Variants in ASH1L observed in about 807,000 individuals in gnomAD.
ASH1L encodes ASH1 like histone lysine methyltransferase, also known as histone-lysine N-methyltransferase ASH1L.
ASH1L carries 23 observed loss-of-function variants against 269.0 expected under a neutral mutation model. That is an observed-to-expected ratio of 0.09 (90% confidence interval 0.06 to 0.12). ASH1L has a LOEUF of 0.12. Among genes scored for constraint, ASH1L ranks in the 10% least tolerant of loss-of-function variants. The pLI, the probability that ASH1L is intolerant of heterozygous loss-of-function variation, is 1.00. For synonymous variants in ASH1L, 1,187 were observed against 1,253.5 expected, an observed-to-expected ratio of 0.95 and a Z score of 1.12; for missense variants, 2,912 against 3,567.8, an observed-to-expected ratio of 0.82 and a Z score of 4.68.
chr1:155,487,701 G>A (rs1217305288), intron 2 of ASH1L, among the ~76,000 whole-genome samples: 2 of 151,616 alleles, frequency 1.3e-5, no homozygotes, highest in African/African-American at 4.8e-5. Flanking sequence ...TTCTTAATCT[G>A]AATGTTGGTT....
chr1:155,537,347 TTATC>T (rs571614523), intron 1 of ASH1L, among the ~76,000 whole-genome samples: 299 of 152,308 alleles, frequency 2.0e-3, no homozygotes, highest in Admixed American at 3.7e-3. Context: ...CCACTAACAT[TTATC>T]TATCTTAGTC....
intron 1 of ASH1L, among the ~76,000 whole-genome samples, chr1:155,533,174 C>A (rs982317950): frequency 6.6e-6 from 1 of 152,030 alleles, no homozygotes; most frequent in Non-Finnish European, 1.5e-5. Flanking sequence ...TAAAGTACTA[C>A]AAATGAGTCC....
chr1:155,524,548 G>A (rs1379568428), intron 1 of ASH1L, among the ~76,000 whole-genome samples: 2 of 149,466 alleles, frequency 1.3e-5, no homozygotes, highest in Non-Finnish European at 3.0e-5. Flanking sequence ...AAAGTACAAA[G>A]TTAGCTGTGC....
At chr1:155,395,078 A>T (rs114170649) in intron 7 of ASH1L, among the ~76,000 whole-genome samples, 281 of 152,222 alleles carry the variant, frequency 1.8e-3, no homozygotes, top group African/African-American at 6.6e-3. Flanking sequence ...CTGGGACTAC[A>T]GACCTGTGCC....
chr1:155,527,268 T>C (rs1669326292), intron 1 of ASH1L, among the ~76,000 whole-genome samples: 1 of 152,148 alleles, frequency 6.6e-6, no homozygotes, highest in Admixed American at 6.5e-5. Context: ...TTCCCATTTC[T>C]CTGTTCCTCT....
intron 12 of ASH1L, among the ~76,000 whole-genome samples, chr1:155,363,840 AC>A (rs1461699627): frequency 1.3e-5 from 2 of 150,858 alleles, no homozygotes; most frequent in East Asian, 4.0e-4. Flanking sequence ...GGGTGTAGGG[AC>A]GCATGCCTTT....
At chr1:155,441,713 G>C (rs112237383) in intron 4 of ASH1L, among the ~76,000 whole-genome samples, 4 of 149,976 alleles carry the variant, frequency 2.7e-5, no homozygotes, top group African/African-American at 9.8e-5. Context: ...TGATCTGCCC[G>C]CCTCGGCCTC....
chr1:155,477,596 G>C (rs1464508884), intron 3 of ASH1L, among the ~76,000 whole-genome samples: 1 of 152,076 alleles, frequency 6.6e-6, no homozygotes, highest in Non-Finnish European at 1.5e-5. Context: ...TAAAAATTGT[G>C]TAATAACCTG....
At chr1:155,399,277 T>C (rs1658631178) in intron 6 of ASH1L, among the ~76,000 whole-genome samples, 1 of 152,232 alleles carries the variant, frequency 6.6e-6, no homozygotes, top group Non-Finnish European at 1.5e-5. Flanking sequence ...ATAAGAAGTT[T>C]ACAATTTGGT....
chr1:155,361,797 CCT>C (rs1010320462), intron 12 of ASH1L, among the ~76,000 whole-genome samples: 6 of 150,548 alleles, frequency 4.0e-5, no homozygotes, highest in Non-Finnish European at 8.9e-5. Context: ...GACTTGAACC[CCT>C]GAGGCAGAGG....
At chr1:155,528,448 T>TA (rs1669424557) in intron 1 of ASH1L, among the ~76,000 whole-genome samples, 1 of 151,264 alleles carries the variant, frequency 6.6e-6, no homozygotes, top group Non-Finnish European at 1.5e-5. Flanking sequence ...TTTTTTTTTT[T>TA]AAAGAAAGAG....
chr1:155,511,030 A>G (rs1304020528), intron 2 of ASH1L, among the ~76,000 whole-genome samples: 1 of 152,200 alleles, frequency 6.6e-6, no homozygotes, highest in East Asian at 1.9e-4. Flanking sequence ...TGAGTCTGAC[A>G]TTTTAAAATA....
intron 2 of ASH1L, among the ~76,000 whole-genome samples, chr1:155,518,825 A>G (rs1558186005): frequency 6.6e-6 from 1 of 150,676 alleles, no homozygotes; most frequent in Non-Finnish European, 1.5e-5. Context: ...AGGAAGAAAG[A>G]AAAGAAGGAA....
chr1:155,391,825 G>C (rs910078969), intron 7 of ASH1L, among the ~76,000 whole-genome samples: 3 of 151,982 alleles, frequency 2.0e-5, no homozygotes, highest in Admixed American at 6.6e-5. Context: ...GTGTGGTAGT[G>C]CATGCCTGTG....
At chr1:155,552,959 G>A (rs370067496) in intron 1 of ASH1L, among the ~76,000 whole-genome samples, 4 of 151,986 alleles carry the variant, frequency 2.6e-5, no homozygotes, top group Admixed American at 1.3e-4. Context: ...ATATCATCTC[G>A]TAGAATCCGC....
At chr1:155,444,038 C>T (rs1662805146) in intron 4 of ASH1L, among the ~76,000 whole-genome samples, 1 of 133,688 alleles carries the variant, frequency 7.5e-6, no homozygotes, top group Admixed American at 8.9e-5. Flanking sequence ...GGCTGGAGGG[C>T]AGTGGCGTGA....
chr1:155,430,342 G>A (rs1262099300), intron 5 of ASH1L, among the ~76,000 whole-genome samples: 1 of 152,058 alleles, frequency 6.6e-6, no homozygotes, highest in Admixed American at 6.6e-5. Context: ...AATGAGATGG[G>A]AATAATATTT....
intron 2 of ASH1L, among the ~76,000 whole-genome samples, chr1:155,519,668 T>G (rs1571047791): frequency 6.6e-6 from 1 of 152,056 alleles, no homozygotes; most frequent in Non-Finnish European, 1.5e-5. Flanking sequence ...TAGAATTTTT[T>G]GGGGGGTGAG....
rs554514730 is a variant in ASH1L at position 155,531,772 on chromosome 1, G to A, written c.-99-10154C>T. 5.3e-4 allele frequency among the ~76,000 whole-genome samples: 80 copies of A among 152,248 alleles called. 1 individual carries two copies. Among genetic ancestry groups the A allele is most frequent in the African/African-American group, 1.9e-3 (79 of 41,562 alleles). ...TTAGGTAGTAAAACTGGAAAATCATGATTGGCAAACCCCACATACCAAATT... is the reference window on the plus strand; with the variant it reads ...TTAGGTAGTAAAACTGGAAAATCATAATTGGCAAACCCCACATACCAAATT... On this transcript the variant is annotated intron_variant, in intron 1 of 27. Coordinates refer to ENST00000392403, the MANE Select transcript of ASH1L (RefSeq NM_018489.3).
Sources: allele counts gnomAD v4.1 joint callset (sites outside exome capture counted in the v4.1 genomes callset), GRCh38; gene constraint gnomAD v4.1.1; transcripts MANE v1.5; gene names NCBI Gene and HGNC (gene_info 2026-07-23, HGNC 2026-07-21).